The following SHCBP1L variants were observed in gnomAD, a reference collection of about 807,000 sequenced individuals.
The protein encoded by SHCBP1L is SHC binding and spindle associated 1 like.
SHCBP1L carries 67 observed loss-of-function variants against 62.5 expected under a neutral mutation model. The ratio of observed to expected loss-of-function variants is 1.07; its 90% CI spans 0.88 to 1.31. SHCBP1L has a LOEUF of 1.31. SHCBP1L is among the 40% of genes most tolerant of loss of function. SHCBP1L has a pLI of 0.00. For synonymous variants in SHCBP1L, 284 were observed against 289.4 expected (o/e 0.98, Z 0.19); for missense variants, 823 against 809.8 (o/e 1.02, Z -0.20).
At chr1:182,920,290 C>T (rs1240269091) in intron 6 of SHCBP1L, among the ~76,000 whole-genome samples, 2 of 152,114 alleles carry the variant, frequency 1.3e-5, no homozygotes, top group Admixed American at 6.5e-5. Context: ...CCCAGGGTTG[C>T]GCATGCAGCC....
chr1:182,952,191 AATATATATATATATATATATATATATAT>A (rs869051143), intron 1 of SHCBP1L, among the ~76,000 whole-genome samples: 48 of 24,246 alleles, frequency 2.0e-3, no homozygotes, highest in Admixed American at 4.6e-3. Context: ...AAAAAAAAAA[AATATATATATATATATATATATATATAT>A]ATATATATAT....
chr1:182,935,217 T>A (rs1250043928), intron 5 of SHCBP1L, among the ~76,000 whole-genome samples: 2 of 152,138 alleles, frequency 1.3e-5, no homozygotes, highest in Non-Finnish European at 2.9e-5. Flanking sequence ...CTACAAAATA[T>A]TTTGCTATGA....
At chr1:182,939,416 A>G (rs1651283184) in intron 4 of SHCBP1L, 22 bp from the exon 5 acceptor site, 2 of 1,609,478 alleles carry the variant, frequency 1.2e-6, no homozygotes, top group Non-Finnish European at 1.7e-6. Context: ...CAACATAATT[A>G]CAATGTTTAT....
rs1651740686 is a variant in SHCBP1L at position 182,951,406 on chromosome 1, TTG to T, written c.465_466del (p.Asp155GlufsTer9). On this transcript the variant is annotated frameshift_variant, in exon 2 of 10. Coordinates refer to ENST00000367547, the MANE Select transcript of SHCBP1L (RefSeq NM_030933.4). LOFTEE classifies it high-confidence loss of function. ...ATTAGTCTTCCAGACTCCAAGCCAT[TTG>T]TCTTTCAACTTTAATTTTTCTGATA... is the stretch of plus-strand genomic sequence containing the variant. 1.9e-6 allele frequency: 3 copies of T among 1,609,692 alleles called. No individual in the cohort carries two copies. The highest frequency in any genetic ancestry group is 2.5e-6 in the Non-Finnish European group (3 of 1,177,546).
At chr1:182,946,404 G>A (rs899293279) in intron 2 of SHCBP1L, among the ~76,000 whole-genome samples, 4 of 150,546 alleles carry the variant, frequency 2.7e-5, no homozygotes, top group African/African-American at 9.7e-5. Context: ...GTATCATTAA[G>A]TCTTTTTTTT....
At chr1:182,937,154 A>AG (rs1651207526) in intron 5 of SHCBP1L, among the ~76,000 whole-genome samples, 1 of 151,922 alleles carries the variant, frequency 6.6e-6, no homozygotes, top group Non-Finnish European at 1.5e-5. Context: ...TGTAGACATG[A>AG]GTTTTTCTCA....
At chr1:182,930,653 A>G (rs186685332) in intron 5 of SHCBP1L, among the ~76,000 whole-genome samples, 19 of 24,668 alleles carry the variant, frequency 7.7e-4, no homozygotes, top group South Asian at 2.2e-3. Context: ...CCTGGAGTAT[A>G]TGTGTGTGTG....
At chr1:182,913,616 A>G (rs576206918) in intron 6 of SHCBP1L, among the ~76,000 whole-genome samples, 22 of 152,350 alleles carry the variant, frequency 1.4e-4, no homozygotes, top group African/African-American at 5.1e-4. Context: ...CATATCCAAG[A>G]AGTGTAATGG....
intron 2 of SHCBP1L, among the ~76,000 whole-genome samples, chr1:182,944,696 T>C (rs1013938469): frequency 6.6e-6 from 1 of 152,128 alleles, no homozygotes; most frequent in African/African-American, 2.4e-5. Flanking sequence ...GGATATTGAC[T>C]TCCAACTCTG....
intron 5 of SHCBP1L, 40 bp downstream of exon 5, chr1:182,939,136 G>A: frequency 6.7e-7 from 1 of 1,484,180 alleles, no homozygotes; most frequent in Non-Finnish European, 9.3e-7. Flanking sequence ...TAATAACCAT[G>A]TAAACTTTTG....
chr1:182,908,551 C>A (rs1164484077), intron 6 of SHCBP1L, among the ~76,000 whole-genome samples: 1 of 152,108 alleles, frequency 6.6e-6, no homozygotes, highest in African/African-American at 2.4e-5. Context: ...CCTGTCTTTG[C>A]TATTATGAAT....
At chr1:182,941,862 A>G (rs1275772424) in intron 2 of SHCBP1L, among the ~76,000 whole-genome samples, 3 of 152,190 alleles carry the variant, frequency 2.0e-5, no homozygotes, top group Admixed American at 1.3e-4. Flanking sequence ...AAAGCCTCCC[A>G]TAATTCAATA....
At chr1:182,924,800 G>A (rs1188976712) in intron 6 of SHCBP1L, among the ~76,000 whole-genome samples, 1 of 138,168 alleles carries the variant, frequency 7.2e-6, no homozygotes, top group African/African-American at 2.8e-5. Flanking sequence ...GAGAAAGAAA[G>A]GAAGGAAGGA....
At chr1:182,907,552 C>T (rs559983384) in intron 6 of SHCBP1L, among the ~76,000 whole-genome samples, 5 of 150,180 alleles carry the variant, frequency 3.3e-5, no homozygotes, top group African/African-American at 1.2e-4. Flanking sequence ...ATGCATATAT[C>T]TTTCTTATTC....
At chr1:182,923,433 T>C (rs534947124) in intron 6 of SHCBP1L, among the ~76,000 whole-genome samples, 1 of 152,214 alleles carries the variant, frequency 6.6e-6, no homozygotes, top group South Asian at 2.1e-4. Flanking sequence ...TTCAAGCCAA[T>C]ATTCCTAATG....
chr1:182,941,930 C>G (rs1186708729), intron 2 of SHCBP1L, among the ~76,000 whole-genome samples: 1 of 152,100 alleles, frequency 6.6e-6, no homozygotes, highest in African/African-American at 2.4e-5. Context: ...GATTTCACCT[C>G]TTAAAAAAAA....
At position 182,943,079 on chromosome 1, in the gene SHCBP1L, G is replaced by A. The variant is rs144600806; in HGVS notation, c.556-2536C>T. On this transcript the variant is annotated intron_variant, in intron 2 of 9. Transcript: ENST00000367547. ...AAATATATTTCCAAAGAGTCATTAC[G>A]AAATATGATACTGAGCTTTATATTT... is the stretch of plus-strand genomic sequence containing the variant. 1.4e-4 allele frequency among the ~76,000 whole-genome samples: 22 copies of A among 152,102 alleles called. No individual in the cohort carries two copies. In the South Asian group the frequency reaches 3.7e-3, roughly 26 times the overall value.
chr1:182,930,889 CTTTT>C (rs564364700), intron 5 of SHCBP1L, among the ~76,000 whole-genome samples: 1 of 114,298 alleles, frequency 8.7e-6, no homozygotes, highest in Non-Finnish European at 1.8e-5. Flanking sequence ...CCTTGCCTGG[CTTTT>C]TTTTTTTTTT....
At chr1:182,906,341 A>G (rs1650011909) in intron 6 of SHCBP1L, among the ~76,000 whole-genome samples, 1 of 152,324 alleles carries the variant, frequency 6.6e-6, no homozygotes, top group Non-Finnish European at 1.5e-5. Context: ...ATGCAGTTCA[A>G]TATGACACCA....
Sources: gnomAD v4.1 joint callset for allele counts (sites outside exome capture counted in the v4.1 genomes callset) on GRCh38, gnomAD v4.1.1 for gene constraint, MANE v1.5 for transcripts, NCBI Gene and HGNC (gene_info 2026-07-23, HGNC 2026-07-21) for gene names.